Variants in PHF24 observed in about 807,000 individuals in gnomAD.
PHF24 encodes the protein PHD finger protein 24.
A neutral mutation model predicts 42.6 loss-of-function variants in PHF24; 25 were observed. That is an observed-to-expected ratio of 0.59 (90% CI 0.43 to 0.82). The LOEUF (loss-of-function observed/expected upper bound fraction) is 0.82. Among genes scored for constraint, PHF24 ranks in the 40% least tolerant of loss-of-function variants. The pLI is 0.00. For missense variants in PHF24, 470 were observed against 538.1 expected (o/e 0.87, Z 1.25); for synonymous variants, 185 against 204.8 (o/e 0.90, Z 0.83).
the PHF24 span, among the ~76,000 whole-genome samples, chr9:34,717,012 C>T: frequency 6.6e-6 from 1 of 152,172 alleles, no homozygotes; most frequent in East Asian, 1.9e-4. Context: ...TTTCCAGGAC[C>T]TCCACAGGTG....
At chr9:34,837,969 G>A in the PHF24 span, among the ~76,000 whole-genome samples, 1 of 152,168 alleles carries the variant, frequency 6.6e-6, no homozygotes, top group Non-Finnish European at 1.5e-5. Flanking sequence ...GCAAGAGAAA[G>A]GATAGTACAG....
At chr9:34,835,717 T>C in the PHF24 span, 2 of 1,551,056 alleles carry the variant, frequency 1.3e-6, no homozygotes, top group African/African-American at 2.7e-5. Flanking sequence ...CCAGTAATCT[T>C]GTATGCCATC....
At chr9:34,918,135 G>T in the PHF24 span, 1 of 1,537,918 alleles carries the variant, frequency 6.5e-7, no homozygotes, top group Non-Finnish European at 9.0e-7. Context: ...CAATCGTAGC[G>T]CCAGCATATG....
chr9:34,693,478 C>T, the PHF24 span, among the ~76,000 whole-genome samples: 1 of 152,312 alleles, frequency 6.6e-6, no homozygotes, highest in African/African-American at 2.4e-5. Flanking sequence ...CACTTGGGAG[C>T]TTGTTAGAAA....
At chr9:34,712,298 T>C in the PHF24 span, among the ~76,000 whole-genome samples, 1 of 145,956 alleles carries the variant, frequency 6.9e-6, no homozygotes. Context: ...TTTATCCTTC[T>C]TAGAGTTTGT....
upstream of PHF24, among the ~76,000 whole-genome samples, chr9:34,953,343 G>T (rs114986141): frequency 0.025 from 3,801 of 152,224 alleles, 176 homozygotes; most frequent in African/African-American, 0.086. This position sits in a 1 kb window ranked among gnomAD's most constrained non-coding sequence, Gnocchi z 4.1. Context: ...AGAGACAGGG[G>T]TCTTGCTATG....
At chr9:34,940,649 C>T in the PHF24 span, among the ~76,000 whole-genome samples, 3 of 152,170 alleles carry the variant, frequency 2.0e-5, no homozygotes, top group Admixed American at 2.0e-4. Flanking sequence ...TGGTGGCTTA[C>T]CTGCCACCAA....
the PHF24 span, among the ~76,000 whole-genome samples, chr9:34,792,823 C>T: frequency 6.6e-6 from 1 of 152,192 alleles, no homozygotes; most frequent in Non-Finnish European, 1.5e-5. Context: ...TTTGGAAAAT[C>T]TAGCAAGAGC....
chr9:34,810,182 G>A, the PHF24 span, among the ~76,000 whole-genome samples: 2 of 152,112 alleles, frequency 1.3e-5, no homozygotes, highest in African/African-American at 4.8e-5. Context: ...GGGGGCGGCG[G>A]GACCGGGCCG....
chr9:34,739,881 C>A, the PHF24 span, among the ~76,000 whole-genome samples: 3 of 152,150 alleles, frequency 2.0e-5, no homozygotes, highest in African/African-American at 7.2e-5. Context: ...TGACAGGGCG[C>A]TGATTGGTGC....
At chr9:34,787,046 C>T in the PHF24 span, among the ~76,000 whole-genome samples, 1 of 152,098 alleles carries the variant, frequency 6.6e-6, no homozygotes, top group Non-Finnish European at 1.5e-5. Flanking sequence ...GGCCAGCGCT[C>T]ACCTCCAGAG....
chr9:34,951,076 T>C, the PHF24 span, among the ~76,000 whole-genome samples: 1 of 152,226 alleles, frequency 6.6e-6, no homozygotes, highest in Non-Finnish European at 1.5e-5. Flanking sequence ...ATATTAGTTT[T>C]CTATTGTTCC....
exon 8 of PHF24, chr9:34,978,033 C>T (rs767514693): frequency 1.2e-6 from 2 of 1,614,110 alleles, no homozygotes; most frequent in Non-Finnish European, 1.7e-6. Flanking sequence ...ACTGGCCTAC[C>T]TTCCTGCAAG....
At chr9:34,812,695 G>C in the PHF24 span, among the ~76,000 whole-genome samples, 1 of 152,150 alleles carries the variant, frequency 6.6e-6, no homozygotes, top group South Asian at 2.1e-4. Flanking sequence ...GGCCCACTTT[G>C]ACCTAAAGAA....
chr9:34,872,892 T>C, the PHF24 span, among the ~76,000 whole-genome samples: 121 of 134,064 alleles, frequency 9.0e-4, no homozygotes, highest in African/African-American at 1.2e-3. Context: ...TTTTAATGAT[T>C]GCCATTCTAA....
the PHF24 span, among the ~76,000 whole-genome samples, chr9:34,866,910 G>C: frequency 1.3e-5 from 2 of 152,154 alleles, no homozygotes; most frequent in African/African-American, 4.8e-5. Context: ...TCTCAGGAAA[G>C]CATGGCCATC....
chr9:34,858,958 C>G, the PHF24 span, among the ~76,000 whole-genome samples: 3 of 152,094 alleles, frequency 2.0e-5, no homozygotes, highest in Non-Finnish European at 2.9e-5. Flanking sequence ...CAGGGAAGTT[C>G]TTTACTAATT....
At chr9:34,928,652 C>T in the PHF24 span, among the ~76,000 whole-genome samples, 1 of 152,156 alleles carries the variant, frequency 6.6e-6, no homozygotes, top group South Asian at 2.1e-4. Flanking sequence ...CTTCCCCTCT[C>T]CCTTCTCCTA....
the PHF24 span, among the ~76,000 whole-genome samples, chr9:34,937,063 G>C: frequency 8.8e-5 from 13 of 147,916 alleles, no homozygotes; most frequent in African/African-American, 3.2e-4. Context: ...CGCCCCGTCC[G>C]GGAGGTGAGG....
Sources: gnomAD v4.1 joint callset for allele counts (sites outside exome capture counted in the v4.1 genomes callset) on GRCh38, gnomAD v4.1.1 for gene constraint, Gnocchi (gnomAD v3.1) non-coding constraint, MANE v1.5 for transcripts, NCBI Gene and HGNC (gene_info 2026-07-23, HGNC 2026-07-21) for gene names.